The following FAM186B variants were observed in gnomAD, a reference collection of about 807,000 sequenced individuals.
FAM186B encodes the protein family with sequence similarity 186 member B, also known as protein FAM186B.
In FAM186B, 68 loss-of-function variants were observed where a neutral mutation model predicts 83.4. The observed-to-expected ratio is 0.81, with a 90% CI of 0.67 to 1.00. The LOEUF (loss-of-function observed/expected upper bound fraction) is 1.00. FAM186B is among the 50% of genes least tolerant of loss of function. FAM186B has a pLI of 0.00. For missense variants in FAM186B, 983 were observed against 1,099.2 expected (o/e 0.89, Z 1.49); for synonymous variants, 389 against 422.0 (o/e 0.92, Z 0.96).
the FAM186B span, among the ~76,000 whole-genome samples, chr12:49,611,444 T>C: frequency 6.6e-6 from 1 of 150,384 alleles, no homozygotes; most frequent in Non-Finnish European, 1.5e-5. Flanking sequence ...GTCCCAGCTA[T>C]TCAGGAGACT....
chr12:49,616,153 C>G, the FAM186B span, among the ~76,000 whole-genome samples: 1 of 152,046 alleles, frequency 6.6e-6, no homozygotes. Flanking sequence ...CCTCAGCCTC[C>G]CAAGTAGCTG....
intron 3 of FAM186B, among the ~76,000 whole-genome samples, chr12:49,601,956 T>C: frequency 6.6e-6 from 1 of 152,240 alleles, no homozygotes; most frequent in Non-Finnish European, 1.5e-5. Flanking sequence ...ATCTAGCTAG[T>C]ATTGTCAGAG....
intron 3 of FAM186B, among the ~76,000 whole-genome samples, chr12:49,602,254 G>T (rs1481804313): frequency 6.6e-6 from 1 of 152,032 alleles, no homozygotes; most frequent in Admixed American, 6.6e-5. Context: ...ATCTAGCGAG[G>T]GTCTAAGTAT....
At chr12:49,595,412 A>G (rs1029504514) in intron 5 of FAM186B, 3 of 525,148 alleles carry the variant, frequency 5.7e-6, no homozygotes, top group African/African-American at 3.8e-5. Context: ...CAGGAAAACC[A>G]GAAGGGCCTT....
chr12:49,605,252 A>G (rs1940494099), intron 1 of FAM186B, 130 bp downstream of exon 1: 2 of 1,522,940 alleles, frequency 1.3e-6, no homozygotes, highest in Admixed American at 4.1e-5. Context: ...ATCTGTCTGC[A>G]GACCCAGGTT....
intron 5 of FAM186B, among the ~76,000 whole-genome samples, chr12:49,593,931 A>G (rs1939649355): frequency 2.6e-5 from 4 of 152,368 alleles, no homozygotes; most frequent in Admixed American, 2.0e-4. Context: ...ATAAATAGAC[A>G]TAACTGGAGA....
chr12:49,588,627 G>C lies in FAM186B; in HGVS notation c.2365-4C>G, dbSNP rs1246549351. The C allele has an allele frequency of 1.9e-6, 3 of 1,570,222 alleles. No individual in the cohort carries two copies. The highest frequency in any genetic ancestry group is 2.6e-6 in the Non-Finnish European group (3 of 1,152,778). ...GAACGTTCCACTCCAGCTGGAGCTA[G>C]AGGAACCAGCAGAGAGGCATCAGGG... is the stretch of plus-strand genomic sequence containing the variant. On this transcript the variant is annotated splice_polypyrimidine_tract_variant and splice_region_variant and intron_variant, in intron 5 of 6. Coordinates refer to ENST00000257894, the MANE Select transcript of FAM186B (RefSeq NM_032130.3).
intron 3 of FAM186B, 144 bp from the exon 4 acceptor site, chr12:49,601,278 G>A: frequency 8.6e-7 from 1 of 1,162,632 alleles, no homozygotes; most frequent in Non-Finnish European, 1.2e-6. Context: ...ATGGGGCCAG[G>A]GACAGTGCTG....
the FAM186B span, among the ~76,000 whole-genome samples, chr12:49,611,511 A>G: frequency 6.7e-6 from 1 of 150,176 alleles, no homozygotes; most frequent in Non-Finnish European, 1.5e-5. Context: ...TTGAGACTGC[A>G]CTGCTGCACT....
At position 49,598,833 on chromosome 12, in the gene FAM186B, C is replaced by G. The variant is rs554214151; in HGVS notation, c.2286G>C (p.Gln762His). 1 of 1,613,376 alleles carries G rather than the reference C, an allele frequency of 6.2e-7. No homozygotes were observed. Among genetic ancestry groups the G allele is most frequent in the South Asian group, 1.1e-5 (1 of 90,984 alleles). Residue 762 changes from glutamine (Q) to histidine (H), a missense_variant, in exon 5 of 7, where the codon CAG becomes CAC. By Grantham distance (24) the Gln-to-His change is conservative (BLOSUM62 0). Coordinates refer to ENST00000257894, the MANE Select transcript of FAM186B (RefSeq NM_032130.3). The stretch of plus-strand genomic sequence containing the variant: ...GCCCCTTCTGCTTGTCCGTCCAGGC[C>G]TGCAGCCTGAGACTCTGCAGGCGGT... ...NIDRLQSLRL[Q>H]AWTDKQKGLE...
chr12:49,605,316 G>A, intron 1 of FAM186B, 66 bp downstream of exon 1: 3 of 1,564,228 alleles, frequency 1.9e-6, no homozygotes, highest in Non-Finnish European at 2.6e-6. Flanking sequence ...ACTCAAACCT[G>A]GGATCAGCCC....
At chr12:49,588,700 T>C (rs1565804444) in intron 5 of FAM186B, 77 bp from the exon 6 acceptor site, 7 of 1,442,784 alleles carry the variant, frequency 4.9e-6, no homozygotes, top group East Asian at 4.7e-5. Flanking sequence ...CTTTGTCTGT[T>C]TGTTGGTGCC....
Position 49,588,359 on chromosome 12 carries a change from C to T in FAM186B, c.2534+95G>A, listed in dbSNP as rs571872964. ...GTAGGGTGATATTGGCCTGTTGGTG[C>T]CCTCACTTCACTGCCCACCTCCCCA... On this transcript the variant is annotated intron_variant, in intron 6 of 6. Coordinates refer to ENST00000257894, the MANE Select transcript of FAM186B (RefSeq NM_032130.3). The T allele has an allele frequency of 2.2e-5, 31 of 1,431,108 alleles. No homozygotes were observed. The African/African-American group carries it at 4.0e-4, about 18-fold the overall frequency. 88.7% of individuals were successfully genotyped at this position (1,431,108 alleles called of 1,614,324 possible).
Position 49,605,568 on chromosome 12 carries a change from C to G in FAM186B, c.-91G>C. On this transcript the variant is annotated 5_prime_UTR_variant, in exon 1 of 7. Transcript: ENST00000257894. ...TTGCCTGCTTTGGAGGTTAAGGGCA[C>G]CAGGGTGTCTCCTGGGTACCCTCTG... is the stretch of plus-strand genomic sequence containing the variant. 1 of 1,407,916 alleles carries G rather than the reference C, an allele frequency of 7.1e-7. No individual in the cohort carries two copies. The highest frequency in any genetic ancestry group is 9.7e-7 in the Non-Finnish European group (1 of 1,035,790). The allele number at this position is 1,407,916 out of a possible 1,614,324, so 87.2% of individuals were successfully genotyped here.
the FAM186B span, among the ~76,000 whole-genome samples, chr12:49,615,176 G>A: frequency 6.6e-6 from 1 of 151,178 alleles, no homozygotes; most frequent in East Asian, 1.9e-4. Flanking sequence ...CACTGCTCAG[G>A]TGATGGGTAC....
At chr12:49,619,904 T>A in the FAM186B span, among the ~76,000 whole-genome samples, 1 of 151,996 alleles carries the variant, frequency 6.6e-6, no homozygotes, top group Non-Finnish European at 1.5e-5. Context: ...GGTCTTGTAC[T>A]CCTAACCTCA....
intron 3 of FAM186B, among the ~76,000 whole-genome samples, chr12:49,601,819 G>A (rs957989337): frequency 3.3e-5 from 5 of 152,010 alleles, no homozygotes; most frequent in African/African-American, 1.2e-4. Flanking sequence ...AGAGCTGGTG[G>A]AGTGATTATC....
At chr12:49,591,416 C>T (rs1051663626) in intron 5 of FAM186B, among the ~76,000 whole-genome samples, 2 of 152,034 alleles carry the variant, frequency 1.3e-5, no homozygotes, top group African/African-American at 2.4e-5. Flanking sequence ...TGTAAAATAC[C>T]GAAAGAAAAA....
downstream of FAM186B, chr12:49,584,387 TCTTTAA>T (rs946703092): frequency 4.7e-5 from 31 of 660,154 alleles, no homozygotes; most frequent in African/African-American, 4.8e-4. Flanking sequence ...CCAGAGGGTT[TCTTTAA>T]AAGCACCAGC....
Sources: gnomAD v4.1 joint callset for allele counts (sites outside exome capture counted in the v4.1 genomes callset) on GRCh38, gnomAD v4.1.1 for gene constraint, MANE v1.5 for transcripts, NCBI Gene and HGNC (gene_info 2026-07-23, HGNC 2026-07-21) for gene names.